The following KCNB2 variants were observed in gnomAD, a reference collection of about 807,000 sequenced individuals.
KCNB2 encodes potassium voltage-gated channel subfamily B member 2.
In KCNB2, 15 loss-of-function variants were observed where a neutral mutation model predicts 61.5. The ratio of observed to expected loss-of-function variants is 0.24; its 90% CI spans 0.16 to 0.38. The LOEUF (loss-of-function observed/expected upper bound fraction) is 0.38, where lower values mean the gene tolerates loss of function less well. Among genes scored for constraint, KCNB2 ranks in the 10% least tolerant of loss-of-function variants. The pLI is 1.00. For synonymous variants in KCNB2, 457 were observed against 446.0 expected (o/e 1.02, Z -0.31); for missense variants, 828 against 1,125.2 (o/e 0.74, Z 3.78).
At chr8:72,924,029 C>T (rs1485666478) in intron 2 of KCNB2, among the ~76,000 whole-genome samples, 1 of 152,202 alleles carries the variant, frequency 6.6e-6, no homozygotes, top group Admixed American at 6.5e-5. Context: ...CGTGTCTTGA[C>T]TCAGGTCATG....
intron 2 of KCNB2, among the ~76,000 whole-genome samples, chr8:72,655,946 T>C (rs1035844449): frequency 1.3e-5 from 2 of 152,126 alleles, no homozygotes; most frequent in African/African-American, 4.8e-5. Flanking sequence ...CATAGTCAGA[T>C]GAGAGACAAT....
chr8:72,801,802 G>A (rs1453517428), intron 2 of KCNB2, among the ~76,000 whole-genome samples: 1 of 151,316 alleles, frequency 6.6e-6, no homozygotes, highest in Non-Finnish European at 1.5e-5. Context: ...TTCCCCAGAT[G>A]GACTAAAAGA....
intron 2 of KCNB2, among the ~76,000 whole-genome samples, chr8:72,738,102 G>A (rs73311913): frequency 0.035 from 5,259 of 152,196 alleles, 127 homozygotes; most frequent in South Asian, 0.074. Context: ...TTCTCAACTT[G>A]AGGGCCTCTC....
At chr8:72,902,594 T>A (rs1806108649) in intron 2 of KCNB2, among the ~76,000 whole-genome samples, 1 of 152,200 alleles carries the variant, frequency 6.6e-6, no homozygotes, top group South Asian at 2.1e-4. Flanking sequence ...GGAGAAAATG[T>A]CTATTATTTC....
At chr8:72,608,126 A>T (rs1563537349) in intron 2 of KCNB2, among the ~76,000 whole-genome samples, 1 of 152,162 alleles carries the variant, frequency 6.6e-6, no homozygotes, top group Non-Finnish European at 1.5e-5. Flanking sequence ...GAGTGATGTG[A>T]TAGAGACTTC....
intron 2 of KCNB2, among the ~76,000 whole-genome samples, chr8:72,700,784 C>T (rs942039438): frequency 2.0e-5 from 3 of 152,260 alleles, no homozygotes; most frequent in East Asian, 3.9e-4. Flanking sequence ...CACATGTACT[C>T]ACACATTCAT....
At chr8:72,647,836 G>A (rs1806154302) in intron 2 of KCNB2, among the ~76,000 whole-genome samples, 1 of 152,142 alleles carries the variant, frequency 6.6e-6, no homozygotes, top group Non-Finnish European at 1.5e-5. Flanking sequence ...GGGAAACAGA[G>A]GTTCTAACCT....
At chr8:72,656,701 A>C (rs982144757) in intron 2 of KCNB2, among the ~76,000 whole-genome samples, 6 of 152,152 alleles carry the variant, frequency 3.9e-5, no homozygotes, top group African/African-American at 1.4e-4. Context: ...TATTCATAGG[A>C]AGTTTCATGT....
chr8:72,667,578 C>T (rs185458198), intron 2 of KCNB2, among the ~76,000 whole-genome samples: 33 of 152,272 alleles, frequency 2.2e-4, no homozygotes, highest in African/African-American at 7.9e-4. Context: ...TTTTCCCTCC[C>T]TCCTGAAATA....
At chr8:72,835,575 T>A (rs1809767586) in intron 2 of KCNB2, among the ~76,000 whole-genome samples, 1 of 152,202 alleles carries the variant, frequency 6.6e-6, no homozygotes, top group South Asian at 2.1e-4. Flanking sequence ...AATAAAAATC[T>A]GCACTTATTC....
At chr8:72,601,136 A>C (rs1177621953) in intron 2 of KCNB2, among the ~76,000 whole-genome samples, 2 of 152,218 alleles carry the variant, frequency 1.3e-5, no homozygotes, top group East Asian at 3.8e-4. Flanking sequence ...TTTAGTTGGC[A>C]AATTAAGAGC....
intron 2 of KCNB2, among the ~76,000 whole-genome samples, chr8:72,671,113 A>G (rs1005489640): frequency 4.6e-5 from 7 of 152,166 alleles, no homozygotes; most frequent in African/African-American, 1.7e-4. Context: ...ATCCTACAGA[A>G]TTCTAAACAG....
intron 2 of KCNB2, among the ~76,000 whole-genome samples, chr8:72,645,440 G>A (rs1176103708): frequency 6.6e-6 from 1 of 152,004 alleles, no homozygotes; most frequent in African/African-American, 2.4e-5. Context: ...ATATATCACA[G>A]CCCCAATCCT....
At chr8:72,667,023 CAGAG>C (rs1167863070) in intron 2 of KCNB2, among the ~76,000 whole-genome samples, 1 of 140,058 alleles carries the variant, frequency 7.1e-6, no homozygotes, top group Non-Finnish European at 1.5e-5. Flanking sequence ...GAGAGAGTGA[CAGAG>C]AGGGATGGAG....
chr8:72,576,692 T>C (rs13262905), intron 2 of KCNB2, among the ~76,000 whole-genome samples: 1 of 152,218 alleles, frequency 6.6e-6, no homozygotes, highest in East Asian at 1.9e-4. Flanking sequence ...GCACTTACTG[T>C]ATCTATCAGC....
chr8:72,794,647 G>T (rs1339466006), intron 2 of KCNB2, among the ~76,000 whole-genome samples: 1 of 151,504 alleles, frequency 6.6e-6, no homozygotes, highest in Non-Finnish European at 1.5e-5. Context: ...GTAGGTTAAA[G>T]GTAGGTGACT....
chr8:72,872,253 T>TG (rs1337135753), intron 2 of KCNB2, among the ~76,000 whole-genome samples: 1 of 152,224 alleles, frequency 6.6e-6, no homozygotes, highest in Non-Finnish European at 1.5e-5. Flanking sequence ...ATCTCAGCAG[T>TG]GCAGCTGTGA....
intron 2 of KCNB2, among the ~76,000 whole-genome samples, chr8:72,731,801 CA>C (rs1448498742): frequency 6.6e-6 from 1 of 152,166 alleles, no homozygotes; most frequent in African/African-American, 2.4e-5. Flanking sequence ...TATGTTTGTA[CA>C]GATAATTGAT....
intron 2 of KCNB2, among the ~76,000 whole-genome samples, chr8:72,735,397 A>G (rs1473140409): frequency 3.3e-5 from 5 of 152,324 alleles, no homozygotes; most frequent in African/African-American, 1.2e-4. Flanking sequence ...AAATGGCAAT[A>G]ATTTCCTATT....
Sources: allele counts gnomAD v4.1 joint callset (sites outside exome capture counted in the v4.1 genomes callset), GRCh38; gene constraint gnomAD v4.1.1; transcripts MANE v1.5; gene names NCBI Gene and HGNC (gene_info 2026-07-23, HGNC 2026-07-21).